Variants in RPS3 observed in about 807,000 individuals in gnomAD.
RPS3 encodes the protein small ribosomal subunit protein uS3.
In RPS3, 2 loss-of-function variants were observed where a neutral mutation model predicts 25.8. The observed-to-expected ratio is 0.08, with a 90% CI of 0.03 to 0.24. RPS3 has a LOEUF of 0.24. Ranked by LOEUF, RPS3 falls within the 10% of genes least tolerant of loss-of-function variation. The probability of loss-of-function intolerance (pLI) is 1.00; values close to 1 mark genes in which losing one functional copy is unlikely to be tolerated. For missense variants in RPS3, 107 were observed against 307.1 expected (o/e 0.35, Z 4.87); for synonymous variants, 114 against 114.2 (o/e 1.00, Z 0.01).
chr11:75,410,719 T>A (rs532641961), downstream of RPS3, among the ~76,000 whole-genome samples: 88 of 152,244 alleles, frequency 5.8e-4, no homozygotes, highest in African/African-American at 2.0e-3. Context: ...TGAACGAGAC[T>A]CCGTCTGCAA....
intron 6 of RPS3, among the ~76,000 whole-genome samples, chr11:75,418,617 TAA>T (rs952315133): frequency 6.6e-6 from 1 of 152,002 alleles, no homozygotes; most frequent in Non-Finnish European, 1.5e-5. Flanking sequence ...GGTCTCGAAT[TAA>T]AAAAAAATTT....
chr11:75,400,522 G>A (rs1461760221), intron 1 of RPS3, 172 bp from the exon 2 acceptor site: 1 of 893,860 alleles, frequency 1.1e-6, no homozygotes, highest in Non-Finnish European at 1.8e-6. Flanking sequence ...TGACTTAGAG[G>A]CATTTGTCTG....
At position 75,402,336 on chromosome 11, in the gene RPS3, C is replaced by T; in HGVS notation, c.256-16C>T. The T allele has an allele frequency of 3.1e-6, 5 of 1,612,952 alleles. No homozygotes were observed. The highest frequency in any genetic ancestry group is 4.2e-6 in the Non-Finnish European group (5 of 1,178,992). ...TAATGGTGATGGTAACAGGATATCCCTTGCTTCCTTTAAAGCTTTATGCTG... is the reference window on the plus strand; with the variant it reads ...TAATGGTGATGGTAACAGGATATCCTTTGCTTCCTTTAAAGCTTTATGCTG... On this transcript the variant is annotated splice_polypyrimidine_tract_variant and intron_variant, in intron 3 of 6. Transcript: ENST00000531188.
At chr11:75,410,065 G>T (rs1948332553), downstream of RPS3, among the ~76,000 whole-genome samples, 2 of 144,060 alleles carry the variant, frequency 1.4e-5, no homozygotes, top group African/African-American at 2.6e-5. Context: ...GCCAGGCGGG[G>T]GGCTGACCCC....
At chr11:75,408,090 C>T (rs900078121), downstream of RPS3, among the ~76,000 whole-genome samples, 1 of 152,136 alleles carries the variant, frequency 6.6e-6, no homozygotes. Flanking sequence ...AGGCAATGTG[C>T]AGTAAGAGTA....
chr11:75,403,848 A>G, intron 4 of RPS3, 172 bp from the exon 5 acceptor site: 1 of 606,432 alleles, frequency 1.6e-6, no homozygotes, highest in Non-Finnish European at 2.9e-6. Context: ...GATGAATATT[A>G]CCCTAAGGTT....
intron 6 of RPS3, among the ~76,000 whole-genome samples, chr11:75,415,127 C>T (rs979514010): frequency 2.0e-5 from 3 of 152,118 alleles, no homozygotes; most frequent in Non-Finnish European, 2.9e-5. Flanking sequence ...GGTGGTGAGG[C>T]GAGTGGGAAC....
chr11:75,410,208 CGG>C (rs1948337202), downstream of RPS3, among the ~76,000 whole-genome samples: 1 of 151,864 alleles, frequency 6.6e-6, no homozygotes. Flanking sequence ...ACTGGCCGGG[CGG>C]AGACGCTCCT....
downstream of RPS3, among the ~76,000 whole-genome samples, chr11:75,407,462 A>G (rs1043071823): frequency 2.1e-4 from 31 of 151,016 alleles, no homozygotes; most frequent in African/African-American, 6.8e-4. Flanking sequence ...GAACATCCGC[A>G]AATTATTTTT....
At chr11:75,405,471 T>TA (rs2135058380) in intron 6 of RPS3, 143 bp from the exon 7 acceptor site, 8 of 348,240 alleles carry the variant, frequency 2.3e-5, no homozygotes, top group South Asian at 6.9e-5. Flanking sequence ...TTTTTTTTTT[T>TA]TATATGAAAA....
downstream of RPS3, among the ~76,000 whole-genome samples, chr11:75,407,562 C>T (rs1361546364): frequency 1.3e-5 from 2 of 152,160 alleles, no homozygotes; most frequent in African/African-American, 4.8e-5. Flanking sequence ...AGCCCCGCCT[C>T]CCTGGTTCAC....
At chr11:75,402,140 T>C (rs1948218904) in intron 3 of RPS3, 3 of 631,204 alleles carry the variant, frequency 4.8e-6, no homozygotes, top group Admixed American at 2.9e-5. Context: ...GAAGAAGAAA[T>C]GTCTTGGGCC....
At chr11:75,403,922 C>T in intron 4 of RPS3, 98 bp from the exon 5 acceptor site, 1 of 1,157,552 alleles carries the variant, frequency 8.6e-7, no homozygotes, top group Non-Finnish European at 1.2e-6. Context: ...AATTATTCTC[C>T]ATTAAAGGAA....
At chr11:75,421,095 G>T (rs1399731068) in intron 6 of RPS3, among the ~76,000 whole-genome samples, 1 of 152,168 alleles carries the variant, frequency 6.6e-6, no homozygotes, top group African/African-American at 2.4e-5. Flanking sequence ...TAGGGTGGGC[G>T]CAGGCAGGCT....
chr11:75,411,192 A>G (rs1948353752), downstream of RPS3, among the ~76,000 whole-genome samples: 1 of 151,542 alleles, frequency 6.6e-6, no homozygotes, highest in African/African-American at 2.4e-5. Flanking sequence ...TTATATTTTT[A>G]GTAGAGATGG....
At chr11:75,421,427 T>C (rs1217476498) in intron 6 of RPS3, among the ~76,000 whole-genome samples, 2 of 152,148 alleles carry the variant, frequency 1.3e-5, no homozygotes, top group Non-Finnish European at 2.9e-5. Context: ...CTCACAGCGA[T>C]ATGCACAGAG....
intron 6 of RPS3, among the ~76,000 whole-genome samples, chr11:75,415,805 CAAA>C (rs575409808): frequency 9.7e-5 from 6 of 62,102 alleles, no homozygotes; most frequent in East Asian, 4.2e-4. Flanking sequence ...GACTCCATCT[CAAA>C]AAAAAAAAAA....
downstream of RPS3, among the ~76,000 whole-genome samples, chr11:75,409,395 G>A (rs2135063493): frequency 7.4e-6 from 1 of 135,904 alleles, no homozygotes; most frequent in African/African-American, 2.8e-5. Context: ...CTCTTAACGA[G>A]CATGCTGCCT....
chr11:75,418,531 GTGAAT>G (rs1270664558), intron 6 of RPS3, among the ~76,000 whole-genome samples: 1 of 152,066 alleles, frequency 6.6e-6, no homozygotes, highest in Admixed American at 6.5e-5. Context: ...ACAGGATGAA[GTGAAT>G]TGAAAGATTT....
Sources: allele counts gnomAD v4.1 joint callset (sites outside exome capture counted in the v4.1 genomes callset), GRCh38; gene constraint gnomAD v4.1.1; transcripts MANE v1.5; gene names NCBI Gene and HGNC (gene_info 2026-07-23, HGNC 2026-07-21).